The following CLCN5 variants were observed in gnomAD, a reference collection of about 807,000 sequenced individuals.
CLCN5 encodes H(+)/Cl(-) exchange transporter 5.
A neutral mutation model predicts 54.0 loss-of-function variants in CLCN5; 17 were observed. The observed-to-expected ratio is 0.31, with a 90% CI of 0.22 to 0.47. The LOEUF (loss-of-function observed/expected upper bound fraction) is 0.47, where lower values mean the gene tolerates loss of function less well. Ranked by LOEUF, CLCN5 falls within the 20% of genes least tolerant of loss-of-function variation. The pLI is 1.00. For missense variants in CLCN5, 448 were observed against 646.7 expected (o/e 0.69, Z 3.33); for synonymous variants, 222 against 233.0 (o/e 0.95, Z 0.43).
chrX:49,963,085 G>A (rs147405409), intron 3 of CLCN5, among the ~76,000 whole-genome samples: 1,630 of 111,987 alleles, frequency 0.015, 26 homozygotes, highest in Non-Finnish European at 0.023. Context: ...TTGAATTGAG[G>A]TAGGTAAGAA....
At chrX:50,051,681 A>C (rs1432098792) in intron 4 of CLCN5, among the ~76,000 whole-genome samples, 4 of 111,897 alleles carry the variant, frequency 3.6e-5, no homozygotes, top group African/African-American at 1.3e-4. Context: ...TAGTTTCTTT[A>C]ATCAGTATTT....
chrX:50,096,173 G>A lies in CLCN5; in HGVS notation c.*3954G>A, dbSNP rs1443908272. 1 of 111,395 alleles carries A rather than the reference G, an allele frequency of 9.0e-6. No individual in the cohort carries two copies. The highest frequency in any genetic ancestry group is 3.3e-5 in the African/African-American group (1 of 30,591). The allele number at this position is 111,395 out of a possible 1,213,427, so 9.2% of individuals were successfully genotyped here. On this transcript the variant is annotated 3_prime_UTR_variant, in exon 15 of 15. Transcript: ENST00000376091. ...GAAAACATCTTTTGGGTGGTGCATA[G>A]AACATTGAGCTCTTAAAAACCCGGA...
chrX:49,987,489 A>G (rs1391738915), intron 3 of CLCN5, among the ~76,000 whole-genome samples: 1 of 111,944 alleles, frequency 8.9e-6, no homozygotes, highest in East Asian at 2.8e-4. Flanking sequence ...ACTTGTATAA[A>G]AAGTCTATTA....
At chrX:50,083,072 G>T (rs1400431900) in intron 9 of CLCN5, among the ~76,000 whole-genome samples, 1 of 110,609 alleles carries the variant, frequency 9.0e-6, no homozygotes, top group Non-Finnish European at 1.9e-5. Flanking sequence ...GAGAATAATG[G>T]CTCTTGCTTT....
intron 3 of CLCN5, among the ~76,000 whole-genome samples, chrX:49,999,065 T>C (rs1191394823): frequency 9.2e-6 from 1 of 108,908 alleles, no homozygotes; most frequent in African/African-American, 3.4e-5. Context: ...TTAGTGCCCT[T>C]CTTACAGGCC....
chrX:50,030,634 G>GT (rs1218316413), intron 3 of CLCN5, among the ~76,000 whole-genome samples: 1 of 111,848 alleles, frequency 8.9e-6, no homozygotes, highest in Non-Finnish European at 1.9e-5. Flanking sequence ...TTGCTTCTTG[G>GT]TTTTTTAATT....
chrX:49,978,390 G>A (rs1557177234), intron 3 of CLCN5, among the ~76,000 whole-genome samples: 1 of 112,336 alleles, frequency 8.9e-6, no homozygotes, highest in Non-Finnish European at 1.9e-5. Flanking sequence ...ATTGAATGGC[G>A]ATTGTCCTGA....
Position 50,090,724 on chromosome X carries a change from C to G in CLCN5, c.2198C>G (p.Thr733Arg). 1 of 1,210,410 alleles carries G rather than the reference C, an allele frequency of 8.3e-7. No individual in the cohort carries two copies. Among genetic ancestry groups the G allele is most frequent in the Non-Finnish European group, 1.1e-6 (1 of 894,720 alleles). The change falls in exon 14 of 15, where the codon ACG (threonine) becomes AGG (arginine). Residue 733 changes from threonine (T) to arginine (R), a missense_variant. Coordinates refer to ENST00000376091, the MANE Select transcript of CLCN5 (RefSeq NM_001127898.4). ...GVVSTSIIYF[T>R]EHSPPLPPYT... ...GTTAGCACTTCCATCATTTATTTCA[C>G]GGAGCATTCTCCTCCATTGCCACCA...
intron 4 of CLCN5, among the ~76,000 whole-genome samples, chrX:50,051,587 T>C (rs1489957921): frequency 1.8e-5 from 2 of 112,304 alleles, no homozygotes; most frequent in Non-Finnish European, 3.8e-5. Context: ...TTGTGTTGAA[T>C]CTATAGATCA....
At chrX:49,946,806 T>C (rs781940011) in intron 3 of CLCN5, among the ~76,000 whole-genome samples, 35 of 108,045 alleles carry the variant, frequency 3.2e-4, no homozygotes, top group Non-Finnish European at 4.9e-4. Flanking sequence ...AATTGAAGAC[T>C]TTCTTTTTTT....
At chrX:50,077,676 G>T (rs1481993326) in intron 7 of CLCN5, among the ~76,000 whole-genome samples, 1 of 102,111 alleles carries the variant, frequency 9.8e-6, no homozygotes, top group Non-Finnish European at 2.0e-5. Context: ...CTTTTGGGGG[G>T]ATTCTTTTAT....
intron 3 of CLCN5, among the ~76,000 whole-genome samples, chrX:50,022,963 G>T (rs1334572919): frequency 2.4e-5 from 2 of 81,874 alleles, no homozygotes; most frequent in Admixed American, 2.6e-4. Flanking sequence ...GTTGATTTGG[G>T]GTGGAGAGTT....
intron 3 of CLCN5, among the ~76,000 whole-genome samples, chrX:50,039,479 A>C (rs1395663485): frequency 8.9e-6 from 1 of 111,880 alleles, no homozygotes; most frequent in African/African-American, 3.2e-5. Context: ...TAGGAGATCC[A>C]AATGTTTAAA....
At chrX:49,969,477 A>G (rs1557175942) in intron 3 of CLCN5, among the ~76,000 whole-genome samples, 1 of 112,241 alleles carries the variant, frequency 8.9e-6, no homozygotes, top group African/African-American at 3.2e-5. Flanking sequence ...TTTTCTTTCA[A>G]TGCAAAATAG....
chrX:50,063,550 A>T (rs1268919302), intron 4 of CLCN5, among the ~76,000 whole-genome samples: 1 of 107,222 alleles, frequency 9.3e-6, no homozygotes, highest in South Asian at 4.0e-4. Flanking sequence ...CCAGGACCAG[A>T]TGGATTCACA....
chrX:50,007,525 C>T (rs782026950), intron 3 of CLCN5, among the ~76,000 whole-genome samples: 69 of 107,802 alleles, frequency 6.4e-4, no homozygotes, highest in African/African-American at 2.2e-3. Flanking sequence ...TGTGAAGGGG[C>T]GTGAACTTTG....
intron 3 of CLCN5, among the ~76,000 whole-genome samples, chrX:49,969,401 A>G (rs141904083): frequency 5.0e-4 from 56 of 112,358 alleles, no homozygotes; most frequent in Non-Finnish European, 9.2e-4. Flanking sequence ...CTTTTCAATA[A>G]TGGTGTAAAT....
At chrX:50,065,872 T>G (rs1156812302) in intron 4 of CLCN5, among the ~76,000 whole-genome samples, 1 of 100,083 alleles carries the variant, frequency 1.0e-5, no homozygotes, top group African/African-American at 3.8e-5. Context: ...GGGACATGGA[T>G]GAAATTGGAA....
At chrX:50,017,835 C>T (rs1355645212) in intron 3 of CLCN5, among the ~76,000 whole-genome samples, 1 of 111,670 alleles carries the variant, frequency 9.0e-6, no homozygotes, top group Non-Finnish European at 1.9e-5. Context: ...TTCTATTGAT[C>T]TATATTCTTA....
Sources: allele counts gnomAD v4.1 joint callset (sites outside exome capture counted in the v4.1 genomes callset), GRCh38; gene constraint gnomAD v4.1.1; transcripts MANE v1.5; gene names NCBI Gene and HGNC (gene_info 2026-07-23, HGNC 2026-07-21).